The following KDM5B variants were observed in gnomAD, a reference collection of about 807,000 sequenced individuals.
KDM5B encodes the protein lysine-specific demethylase 5B.
Under a neutral mutation model 193.4 loss-of-function variants are expected in KDM5B, and 144 were observed. The ratio of observed to expected loss-of-function variants is 0.74; its 90% CI spans 0.65 to 0.86. The LOEUF is 0.86. Ranked by LOEUF, KDM5B falls within the 40% of genes least tolerant of loss-of-function variation. The probability of loss-of-function intolerance (pLI) is 0.00; values close to 1 mark genes in which losing one functional copy is unlikely to be tolerated. For synonymous variants in KDM5B, 668 were observed against 682.6 expected (o/e 0.98, Z 0.33); for missense variants, 1,833 against 1,886.9 (o/e 0.97, Z 0.53).
chr1:202,790,699 GAC>G (rs1657611915), intron 1 of KDM5B, among the ~76,000 whole-genome samples: 1 of 152,022 alleles, frequency 6.6e-6, no homozygotes, highest in Non-Finnish European at 1.5e-5. Flanking sequence ...CAGCCTGGGT[GAC>G]AGAGTGAGAC....
chr1:202,749,652 CTTAA>C (rs1183219488), intron 13 of KDM5B, among the ~76,000 whole-genome samples: 2 of 150,436 alleles, frequency 1.3e-5, no homozygotes, highest in East Asian at 3.9e-4. Flanking sequence ...TCTTACATAT[CTTAA>C]TTAAAAAGTG....
At chr1:202,807,645 C>T (rs2102360060) in intron 1 of KDM5B, among the ~76,000 whole-genome samples, 1 of 144,936 alleles carries the variant, frequency 6.9e-6, no homozygotes, top group East Asian at 2.2e-4. Context: ...CGCAAGTCCC[C>T]CACCCCCACC....
At chr1:202,775,372 C>G (rs1656899952) in intron 2 of KDM5B, among the ~76,000 whole-genome samples, 1 of 149,548 alleles carries the variant, frequency 6.7e-6, no homozygotes, top group Non-Finnish European at 1.5e-5. Flanking sequence ...TCCGTCTCTA[C>G]TAAAAATACA....
At chr1:202,737,613 T>A (rs1018959176) in intron 20 of KDM5B, among the ~76,000 whole-genome samples, 1 of 152,180 alleles carries the variant, frequency 6.6e-6, no homozygotes. Flanking sequence ...ATTAAAAAAA[T>A]GTTTAACTTG....
At chr1:202,750,862 T>A in intron 12 of KDM5B, 84 bp from the exon 13 acceptor site, 3 of 1,399,922 alleles carry the variant, frequency 2.1e-6, no homozygotes, top group Non-Finnish European at 1.9e-6. Context: ...GTCTATTAGA[T>A]AATTTTCAAA....
chr1:202,777,159 T>A, intron 1 of KDM5B, 65 bp from the exon 2 acceptor site: 1 of 1,273,616 alleles, frequency 7.9e-7, no homozygotes, highest in Non-Finnish European at 1.1e-6. Flanking sequence ...AAATTTGTTT[T>A]AAAATTAAAA....
intron 4 of KDM5B, 132 bp from the exon 5 acceptor site, chr1:202,767,192 C>G: frequency 1.3e-6 from 2 of 1,549,364 alleles, no homozygotes; most frequent in Non-Finnish European, 1.8e-6. Context: ...TCTTAAAATA[C>G]TCTTCATATC....
chr1:202,807,469 C>T (rs574093191), intron 1 of KDM5B, among the ~76,000 whole-genome samples: 2,413 of 151,778 alleles, frequency 0.016, 61 homozygotes, highest in African/African-American at 0.055. Flanking sequence ...TTCTTGACCC[C>T]GGCCCGGGGG....
intron 3 of KDM5B, among the ~76,000 whole-genome samples, chr1:202,774,147 G>A (rs1029267149): frequency 6.6e-6 from 1 of 152,152 alleles, no homozygotes; most frequent in East Asian, 1.9e-4. Flanking sequence ...GAGAAAAACA[G>A]GTGGAAGCAA....
intron 14 of KDM5B, 73 bp from the exon 15 acceptor site, chr1:202,746,396 A>T: frequency 3.7e-6 from 3 of 808,870 alleles, no homozygotes; most frequent in Non-Finnish European, 5.5e-6. Context: ...AACATGCAGT[A>T]GTACTTGAGT....
chr1:202,750,896 G>C (rs1230529809), intron 12 of KDM5B, 118 bp from the exon 13 acceptor site: 34 of 1,048,998 alleles, frequency 3.2e-5, no homozygotes, highest in Non-Finnish European at 4.3e-5. Flanking sequence ...CTGAAATTGA[G>C]CCAGAAAAAA....
chr1:202,744,731 C>G (rs1320198808), intron 16 of KDM5B, among the ~76,000 whole-genome samples: 2 of 152,176 alleles, frequency 1.3e-5, no homozygotes, highest in African/African-American at 4.8e-5. Context: ...TTGTGGAAGA[C>G]AGTGTGGTGA....
At chr1:202,783,503 A>G (rs1356665514) in intron 1 of KDM5B, among the ~76,000 whole-genome samples, 2 of 132,104 alleles carry the variant, frequency 1.5e-5, no homozygotes, top group African/African-American at 5.9e-5. Context: ...AGACTGTCTC[A>G]AAAAAAAACA....
At chr1:202,750,888 G>T in intron 12 of KDM5B, 110 bp from the exon 13 acceptor site, 1 of 1,145,450 alleles carries the variant, frequency 8.7e-7, no homozygotes, top group Non-Finnish European at 1.2e-6. Flanking sequence ...GCAGCTTTCT[G>T]AAATTGAGCC....
At chr1:202,731,118 A>T (rs1654869147) in intron 24 of KDM5B, 55 bp from the exon 25 acceptor site, 1 of 1,463,798 alleles carries the variant, frequency 6.8e-7, no homozygotes, top group Non-Finnish European at 9.2e-7. Flanking sequence ...TTTCACATTC[A>T]CATTTGGGTT....
chr1:202,733,330 G>C, intron 23 of KDM5B, 71 bp downstream of exon 23: 2 of 1,534,676 alleles, frequency 1.3e-6, no homozygotes, highest in Non-Finnish European at 1.8e-6. Context: ...CAACACCAAA[G>C]CTACAGGTTC....
At chr1:202,778,136 T>C (rs145646584) in intron 1 of KDM5B, among the ~76,000 whole-genome samples, 2,442 of 151,844 alleles carry the variant, frequency 0.016, 63 homozygotes, top group African/African-American at 0.056. Context: ...GATCGCGCCA[T>C]TGCACTCCAA....
intron 25 of KDM5B, 30 bp downstream of exon 25, chr1:202,730,879 C>T (rs756096681): frequency 1.3e-6 from 2 of 1,559,166 alleles, no homozygotes; most frequent in Non-Finnish European, 1.7e-6. Flanking sequence ...CCAGACTGTG[C>T]CTTGCCCCAG....
At chr1:202,778,970 G>T (rs1000993449) in intron 1 of KDM5B, among the ~76,000 whole-genome samples, 1 of 152,116 alleles carries the variant, frequency 6.6e-6, no homozygotes, top group Non-Finnish European at 1.5e-5. Flanking sequence ...ATATGTTAAG[G>T]GGTCGGGGGG....
Sources: gnomAD v4.1 joint callset for allele counts (sites outside exome capture counted in the v4.1 genomes callset) on GRCh38, gnomAD v4.1.1 for gene constraint, MANE v1.5 for transcripts, NCBI Gene and HGNC (gene_info 2026-07-23, HGNC 2026-07-21) for gene names.